PRKG1: variants seen among roughly 807,000 people sequenced by gnomAD.
PRKG1 encodes protein kinase cGMP-dependent 1.
PRKG1 carries 35 observed loss-of-function variants against 88.1 expected under a neutral mutation model. The observed-to-expected ratio is 0.40, with a 90% CI of 0.30 to 0.53. PRKG1 has a LOEUF of 0.53. PRKG1 is among the 20% of genes least tolerant of loss of function. The probability of loss-of-function intolerance (pLI) is 0.59; values close to 1 mark genes in which losing one functional copy is unlikely to be tolerated. For synonymous variants in PRKG1, 303 were observed against 292.5 expected (o/e 1.04, Z -0.37); for missense variants, 540 against 839.8 (o/e 0.64, Z 4.41).
At chr10:51,179,047 A>C (rs767663895) in intron 2 of PRKG1, among the ~76,000 whole-genome samples, 10 of 152,194 alleles carry the variant, frequency 6.6e-5, no homozygotes, top group Non-Finnish European at 1.2e-4. Context: ...ACTTCCATAA[A>C]GCACCCAGAG....
chr10:51,978,937 T>A (rs1489933923), intron 5 of PRKG1, among the ~76,000 whole-genome samples: 2 of 152,150 alleles, frequency 1.3e-5, no homozygotes, highest in Non-Finnish European at 2.9e-5. Flanking sequence ...TCTTTCTATT[T>A]GGATGTGCTT....
At chr10:51,192,879 C>T (rs1054940334) in intron 2 of PRKG1, among the ~76,000 whole-genome samples, 4 of 151,960 alleles carry the variant, frequency 2.6e-5, no homozygotes, top group Non-Finnish European at 5.9e-5. Context: ...CACTCACTCA[C>T]CCATTCAGTC....
intron 9 of PRKG1, among the ~76,000 whole-genome samples, chr10:52,249,047 C>T (rs1841102126): frequency 1.1e-5 from 1 of 92,080 alleles, no homozygotes; most frequent in East Asian, 4.7e-4. Context: ...CCTCCCCTTC[C>T]CTCCCCTTCC....
chr10:51,334,670 C>A (rs1458063728), intron 2 of PRKG1, among the ~76,000 whole-genome samples: 2 of 152,118 alleles, frequency 1.3e-5, no homozygotes, highest in Admixed American at 1.3e-4. Flanking sequence ...TTTTATCTAG[C>A]TAAATTGGCT....
At chr10:51,244,313 T>C (rs1411584893) in intron 2 of PRKG1, among the ~76,000 whole-genome samples, 1 of 151,336 alleles carries the variant, frequency 6.6e-6, no homozygotes, top group East Asian at 1.9e-4. Flanking sequence ...TCTTCCTTTT[T>C]TTTTTTTTTT....
At chr10:51,741,904 A>C (rs1441064645) in intron 3 of PRKG1, among the ~76,000 whole-genome samples, 2 of 152,230 alleles carry the variant, frequency 1.3e-5, no homozygotes, top group African/African-American at 2.4e-5. Context: ...TGGAGGCAGG[A>C]AGAAACTCTT....
intron 9 of PRKG1, among the ~76,000 whole-genome samples, chr10:52,203,496 T>C (rs1839730318): frequency 6.6e-6 from 1 of 152,176 alleles, no homozygotes. Context: ...TTCTGATGTT[T>C]TGGGGTGAAG....
intron 5 of PRKG1, among the ~76,000 whole-genome samples, chr10:51,957,438 C>T (rs1432254511): frequency 6.6e-6 from 1 of 151,602 alleles, no homozygotes; most frequent in Non-Finnish European, 1.5e-5. Context: ...ACTACAGGCT[C>T]ATGCCACCAT....
chr10:51,153,024 C>A, intron 1 of PRKG1, 140 bp from the exon 2 acceptor site: 1 of 444,352 alleles, frequency 2.3e-6, no homozygotes, highest in Non-Finnish European at 3.6e-6. Context: ...CTTTGTTCTC[C>A]AGTCTTCCAG....
At chr10:52,270,540 A>G (rs922558102) in intron 10 of PRKG1, among the ~76,000 whole-genome samples, 8 of 152,022 alleles carry the variant, frequency 5.3e-5, no homozygotes, top group African/African-American at 9.7e-5. Flanking sequence ...CTATGCAGCC[A>G]TAAAAAATGA....
At chr10:51,379,190 C>T (rs1045682926) in intron 2 of PRKG1, among the ~76,000 whole-genome samples, 4 of 152,266 alleles carry the variant, frequency 2.6e-5, no homozygotes, top group Admixed American at 2.6e-4. Context: ...TACCTTGTAT[C>T]AGTTAGTATT....
chr10:51,439,133 C>T (rs572742399), intron 2 of PRKG1, among the ~76,000 whole-genome samples: 2 of 151,758 alleles, frequency 1.3e-5, no homozygotes, highest in East Asian at 1.9e-4. Context: ...CCCCCCCTTA[C>T]GAACATGTCA....
At chr10:51,164,529 C>T (rs1425590868) in intron 2 of PRKG1, among the ~76,000 whole-genome samples, 13 of 152,122 alleles carry the variant, frequency 8.5e-5, no homozygotes, top group African/African-American at 2.2e-4. Flanking sequence ...TCACCAGCAA[C>T]GGAACAAAGC....
intron 2 of PRKG1, among the ~76,000 whole-genome samples, chr10:51,361,069 T>A (rs1369321857): frequency 1.3e-5 from 2 of 152,020 alleles, no homozygotes; most frequent in South Asian, 2.1e-4. Context: ...TAAAAAGGAA[T>A]AGTCTTTTAA....
intron 3 of PRKG1, among the ~76,000 whole-genome samples, chr10:51,727,295 T>TAC (rs1418270404): frequency 1.4e-4 from 21 of 148,916 alleles, no homozygotes; most frequent in African/African-American, 5.2e-4. Context: ...AATATATATA[T>TAC]ATATATTTTT....
intron 2 of PRKG1, among the ~76,000 whole-genome samples, chr10:51,230,819 A>G (rs572951889): frequency 6.6e-6 from 1 of 152,170 alleles, no homozygotes; most frequent in Non-Finnish European, 1.5e-5. Context: ...TTCAGTACAG[A>G]TGCAATTTTT....
At chr10:51,638,354 A>G (rs1839710763) in intron 3 of PRKG1, among the ~76,000 whole-genome samples, 1 of 152,182 alleles carries the variant, frequency 6.6e-6, no homozygotes, top group Admixed American at 6.5e-5. Flanking sequence ...GAGTCTCCCA[A>G]ATGAGTGAGC....
intron 5 of PRKG1, among the ~76,000 whole-genome samples, chr10:52,036,135 G>A (rs972778494): frequency 5.9e-5 from 9 of 152,090 alleles, no homozygotes; most frequent in African/African-American, 2.2e-4. Context: ...GTGAAGCTTT[G>A]CGGCAGTACA....
chr10:52,273,563 T>C (rs948296527), intron 12 of PRKG1, among the ~76,000 whole-genome samples: 1 of 152,128 alleles, frequency 6.6e-6, no homozygotes, highest in Non-Finnish European at 1.5e-5. Flanking sequence ...GGTGTTCTTA[T>C]GGTACCTTCA....
Sources: allele counts gnomAD v4.1 joint callset (sites outside exome capture counted in the v4.1 genomes callset), GRCh38; gene constraint gnomAD v4.1.1; transcripts MANE v1.5; gene names NCBI Gene and HGNC (gene_info 2026-07-23, HGNC 2026-07-21).